THOC5: variants seen among roughly 807,000 people sequenced by gnomAD.
THOC5 encodes the protein THO complex subunit 5.
In THOC5, 43 loss-of-function variants were observed where a neutral mutation model predicts 92.9. The observed-to-expected ratio is 0.46, with a 90% CI of 0.36 to 0.60. The LOEUF is 0.60. Ranked by LOEUF, THOC5 falls within the 20% of genes least tolerant of loss-of-function variation. The pLI is 0.00. For missense variants in THOC5, 659 were observed against 849.4 expected (o/e 0.78, Z 2.79); for synonymous variants, 296 against 320.1 (o/e 0.92, Z 0.80).
intron 19 of THOC5, 37 bp from the exon 20 acceptor site, chr22:29,508,557 C>A: frequency 1.3e-6 from 2 of 1,542,810 alleles, no homozygotes; most frequent in Non-Finnish European, 1.8e-6. Context: ...TAATAACACA[C>A]CTTCTAGGCT....
chr22:29,525,546 T>A (rs923393609), intron 12 of THOC5, among the ~76,000 whole-genome samples: 2 of 152,196 alleles, frequency 1.3e-5, no homozygotes, highest in Non-Finnish European at 2.9e-5. Context: ...ATTCACACAC[T>A]TTCCACTGGT....
chr22:29,530,174 G>A (rs1435841541), intron 8 of THOC5, among the ~76,000 whole-genome samples: 1 of 150,780 alleles, frequency 6.6e-6, no homozygotes, highest in African/African-American at 2.4e-5. Context: ...AACAGTAGCT[G>A]CCCCATTAGT....
Position 29,525,773 on chromosome 22 carries a change from C to T in THOC5, c.1175+65G>A, listed in dbSNP as rs1336367035. 5.2e-6 allele frequency: 7 copies of T among 1,333,414 alleles called. No homozygotes were observed. In the Admixed American group the frequency reaches 8.6e-5, roughly 16 times the overall value. 82.6% of individuals were successfully genotyped at this position (1,333,414 alleles called of 1,614,324 possible). A position where few individuals can be genotyped will look rare whatever the true frequency, so the allele number is the denominator to read the frequency against. ...GCCAGAGGGAGGAACCGAGAGCAGC[C>T]CCACAATGAGGCTCTCATCACCTCC... On this transcript the variant is annotated intron_variant, in intron 12 of 19. Coordinates refer to ENST00000490103, the MANE Select transcript of THOC5 (RefSeq NM_003678.5).
intron 15 of THOC5, among the ~76,000 whole-genome samples, chr22:29,518,610 A>G (rs2063378047): frequency 6.6e-6 from 1 of 152,254 alleles, no homozygotes; most frequent in Non-Finnish European, 1.5e-5. Flanking sequence ...AGCCAGGGGC[A>G]GGGGTTCACT....
chr22:29,508,459 A>G lies in THOC5; in HGVS notation c.2050T>C (p.Ter684ArgextTer14). The change falls in exon 20 of 20, where the codon TGA (stop) becomes CGA (arginine). Residue 684 changes from the stop codon to arginine (R), a stop_lost. Coordinates refer to ENST00000490103, the MANE Select transcript of THOC5 (RefSeq NM_003678.5). ...GAAACAACGGTCTGCGCGGGAGATCAGCGATGGCTGAAGAATCCCTGAGGA... is the reference window on the plus strand; with the variant it reads ...GAAACAACGGTCTGCGCGGGAGATCGGCGATGGCTGAAGAATCCCTGAGGA... ...NHPQGFFSHR[*>R] The G allele has an allele frequency of 6.2e-7, 1 of 1,614,224 alleles. No homozygotes were observed.
chr22:29,516,986 A>G, intron 17 of THOC5, 43 bp downstream of exon 17: 1 of 1,599,616 alleles, frequency 6.3e-7, no homozygotes, highest in Non-Finnish European at 8.6e-7. Context: ...GATTCTTGGC[A>G]GCGCCCTTTG....
chr22:29,541,495 A>G (rs1287719041), intron 5 of THOC5, among the ~76,000 whole-genome samples: 1 of 140,150 alleles, frequency 7.1e-6, no homozygotes, highest in Non-Finnish European at 1.5e-5. Context: ...GACAGGAGTG[A>G]GACCCTGTCT....
intron 9 of THOC5, among the ~76,000 whole-genome samples, chr22:29,528,673 AT>A (rs2063592097): frequency 6.7e-6 from 1 of 149,048 alleles, no homozygotes; most frequent in South Asian, 2.7e-4. Context: ...CGTATAACTC[AT>A]TTTTTTCAAA....
intron 7 of THOC5, among the ~76,000 whole-genome samples, chr22:29,534,182 G>T (rs890397236): frequency 6.6e-6 from 1 of 152,148 alleles, no homozygotes; most frequent in Non-Finnish European, 1.5e-5. Context: ...AGACATAGGA[G>T]TATATACTAT....
chr22:29,531,197 T>C (rs1037694828), intron 8 of THOC5: 13 of 1,059,444 alleles, frequency 1.2e-5, no homozygotes, highest in African/African-American at 3.5e-5. Flanking sequence ...AATGTGTTGG[T>C]GCCCAAGGTG....
chr22:29,513,177 C>T lies in THOC5; in HGVS notation c.1682-1041G>A, dbSNP rs537993839. On this transcript the variant is annotated intron_variant, in intron 17 of 19. Coordinates refer to ENST00000490103, the MANE Select transcript of THOC5 (RefSeq NM_003678.5). ...CATCCTGGCTAACATGGTGAAACCC[C>T]GTCTCTACTAAAAATACAAAAAATT... is the stretch of plus-strand genomic sequence containing the variant. 1.3e-4 allele frequency among the ~76,000 whole-genome samples: 19 copies of T among 150,766 alleles called. No individual in the cohort carries two copies. In the East Asian group the frequency reaches 2.8e-3, roughly 22 times the overall value.
chr22:29,546,678 G>A (rs2064027711), intron 2 of THOC5, among the ~76,000 whole-genome samples: 1 of 152,038 alleles, frequency 6.6e-6, no homozygotes, highest in African/African-American at 2.4e-5. Flanking sequence ...GACCTCAAGT[G>A]ATCCACCCAG....
chr22:29,552,873 A>C (rs2064199862), intron 1 of THOC5, among the ~76,000 whole-genome samples: 1 of 150,478 alleles, frequency 6.6e-6, no homozygotes, highest in Non-Finnish European at 1.5e-5. Flanking sequence ...GACAAGGGAG[A>C]CTCCATTTTG....
Position 29,511,297 on chromosome 22 carries a change from C to T in THOC5, c.1798-1G>A, listed in dbSNP as rs1249227728. The T allele has an allele frequency of 3.1e-6, 5 of 1,609,716 alleles. No homozygotes were observed. Among genetic ancestry groups the T allele is most frequent in the Non-Finnish European group, 8.5e-7 (1 of 1,178,404 alleles). On this transcript the variant is annotated splice_acceptor_variant, in intron 18 of 19. Coordinates refer to ENST00000490103, the MANE Select transcript of THOC5 (RefSeq NM_003678.5). LOFTEE classifies it high-confidence loss of function. The stretch of plus-strand genomic sequence containing the variant: ...ACACATTGACTTCGCCCTCCATGGC[C>T]TGTGTGATAGGAAAGCCAGCATCTC...
Position 29,511,189 on chromosome 22 carries a change from AACATCCAGCAGCACACACAGCCGCTG to A in THOC5, c.1879_1904del (p.Gln627LeufsTer8), listed in dbSNP as rs2063214820. On this transcript the variant is annotated frameshift_variant, in exon 19 of 20. Coordinates refer to ENST00000490103, the MANE Select transcript of THOC5 (RefSeq NM_003678.5). LOFTEE classifies it high-confidence loss of function. ...CGTCATGGCTCTCGGTCTCCAGGTAAACATCCAGCAGCACACACAGCCGCTGCAGCTGGTTGGTCAACAGCTGGTGG... is the reference window on the plus strand; with the variant it reads ...CGTCATGGCTCTCGGTCTCCAGGTAACAGCTGGTTGGTCAACAGCTGGTGG... 6.2e-7 allele frequency: 1 copy of A among 1,614,110 alleles called. No homozygotes were observed. The highest frequency in any genetic ancestry group is 1.3e-5 in the African/African-American group (1 of 74,944).
intron 5 of THOC5, among the ~76,000 whole-genome samples, chr22:29,542,134 GA>G (rs2063910054): frequency 6.6e-6 from 1 of 151,866 alleles, no homozygotes; most frequent in African/African-American, 2.4e-5. Flanking sequence ...TAAGCAGCAA[GA>G]AATTCAGGTT....
chr22:29,545,824 G>A (rs1232136951), intron 2 of THOC5, among the ~76,000 whole-genome samples: 1 of 152,170 alleles, frequency 6.6e-6, no homozygotes, highest in Admixed American at 6.6e-5. Context: ...AGCCGTTCGT[G>A]GATCTACCAT....
intron 17 of THOC5, among the ~76,000 whole-genome samples, chr22:29,516,452 T>G (rs1441831542): frequency 1.3e-5 from 2 of 152,156 alleles, no homozygotes; most frequent in Non-Finnish European, 2.9e-5. Context: ...GGGTGTCAGA[T>G]CCCACGGGCA....
At chr22:29,529,348 G>T in intron 8 of THOC5, 109 bp from the exon 9 acceptor site, 1 of 1,174,028 alleles carries the variant, frequency 8.5e-7, no homozygotes, top group Non-Finnish European at 1.3e-6. Context: ...CCAGCTCCTT[G>T]CTGACTAAGG....
Sources: gnomAD v4.1 joint callset for allele counts (sites outside exome capture counted in the v4.1 genomes callset) on GRCh38, gnomAD v4.1.1 for gene constraint, MANE v1.5 for transcripts, NCBI Gene and HGNC (gene_info 2026-07-23, HGNC 2026-07-21) for gene names.